The following FHIT variants were observed in gnomAD, a reference collection of about 807,000 sequenced individuals.
FHIT encodes the protein fragile histidine triad diadenosine triphosphatase.
A neutral mutation model predicts 17.9 loss-of-function variants in FHIT; 19 were observed. The observed-to-expected ratio is 1.06, with a 90% confidence interval of 0.74 to 1.56. The LOEUF (loss-of-function observed/expected upper bound fraction) is 1.56. FHIT is among the 40% of genes most tolerant of loss of function. The probability of loss-of-function intolerance (pLI) is 0.00; values close to 1 mark genes in which losing one functional copy is unlikely to be tolerated. For missense variants in FHIT, 248 were observed against 189.2 expected, an observed-to-expected ratio of 1.31 and a Z score of -1.82; for synonymous variants, 81 against 69.7, an observed-to-expected ratio of 1.16 and a Z score of -0.81.
intron 5 of FHIT, among the ~76,000 whole-genome samples, chr3:60,383,604 A>G (rs1055637041): frequency 6.6e-6 from 1 of 152,066 alleles, no homozygotes; most frequent in Non-Finnish European, 1.5e-5. Context: ...AAAGCTACAT[A>G]TGATCACTAT....
At position 60,841,763 on chromosome 3, in the gene FHIT, T is replaced by C. The variant is rs115476056; in HGVS notation, c.-110-19752A>G. ...CCTAAGGGAAAGGATGCAGGGCTTT[T>C]AAGTTCTGGTCCTAGGTGAGGAATC... is the stretch of plus-strand genomic sequence containing the variant. On this transcript the variant is annotated intron_variant, in intron 3 of 9. Coordinates refer to ENST00000492590, the MANE Select transcript of FHIT (RefSeq NM_002012.4). Among the ~76,000 whole-genome samples, 155 of 152,280 alleles carry C rather than the reference T, an allele frequency of 1.0e-3. 1 individual carries two copies. The highest frequency in any genetic ancestry group is 3.7e-3 in the African/African-American group (152 of 41,552).
chr3:60,791,936 A>G (rs1427249553), intron 4 of FHIT, among the ~76,000 whole-genome samples: 12 of 152,228 alleles, frequency 7.9e-5, no homozygotes, highest in Admixed American at 7.9e-4. Flanking sequence ...TTACTATTTT[A>G]TCATATTCAA....
intron 4 of FHIT, among the ~76,000 whole-genome samples, chr3:60,674,796 A>T (rs2040584861): frequency 6.6e-6 from 1 of 151,952 alleles, no homozygotes; most frequent in African/African-American, 2.4e-5. Flanking sequence ...CCCACAGTGA[A>T]CCCTCTCTGC....
intron 5 of FHIT, among the ~76,000 whole-genome samples, chr3:60,425,155 G>T (rs1314359006): frequency 6.6e-6 from 1 of 152,066 alleles, no homozygotes; most frequent in Non-Finnish European, 1.5e-5. Flanking sequence ...ACTATCTGAA[G>T]CACCCTCCTA....
At chr3:60,210,829 A>G (rs1703416284) in intron 5 of FHIT, among the ~76,000 whole-genome samples, 1 of 152,124 alleles carries the variant, frequency 6.6e-6, no homozygotes, top group South Asian at 2.1e-4. Context: ...AACCCTATGG[A>G]TAAGTGTTCA....
chr3:60,170,515 C>G (rs1701370269), intron 5 of FHIT, among the ~76,000 whole-genome samples: 1 of 152,064 alleles, frequency 6.6e-6, no homozygotes, highest in African/African-American at 2.4e-5. Flanking sequence ...CCAAATGGAC[C>G]ATGTTTTGCT....
At chr3:60,784,222 C>T (rs1232856828) in intron 4 of FHIT, among the ~76,000 whole-genome samples, 6 of 152,184 alleles carry the variant, frequency 3.9e-5, no homozygotes, top group South Asian at 4.1e-4. Context: ...GTGAGAGTTA[C>T]ATCATTCCAG....
intron 4 of FHIT, among the ~76,000 whole-genome samples, chr3:60,795,980 G>A (rs1190799702): frequency 6.6e-6 from 1 of 152,180 alleles, no homozygotes; most frequent in African/African-American, 2.4e-5. Context: ...CCACATGACA[G>A]GGGAGGCCTC....
chr3:60,922,711 C>T (rs545491112), intron 3 of FHIT, among the ~76,000 whole-genome samples: 2 of 152,322 alleles, frequency 1.3e-5, no homozygotes, highest in Admixed American at 6.5e-5. Context: ...CTGCTTTCCT[C>T]TCCAATCACC....
chr3:60,228,523 A>G (rs1704327969), intron 5 of FHIT, among the ~76,000 whole-genome samples: 1 of 152,230 alleles, frequency 6.6e-6, no homozygotes, highest in Non-Finnish European at 1.5e-5. Flanking sequence ...TAAAACACAC[A>G]TCCATGGCTC....
At chr3:60,140,492 C>T (rs1364462346) in intron 5 of FHIT, among the ~76,000 whole-genome samples, 2 of 151,810 alleles carry the variant, frequency 1.3e-5, no homozygotes, top group Non-Finnish European at 2.9e-5. Flanking sequence ...CATTGTATGG[C>T]CAATGACCAC....
At chr3:59,795,068 G>A (rs1699722452) in intron 8 of FHIT, among the ~76,000 whole-genome samples, 1 of 152,154 alleles carries the variant, frequency 6.6e-6, no homozygotes, top group African/African-American at 2.4e-5. Flanking sequence ...CTAGCATACA[G>A]TAAGTTCTCA....
chr3:59,758,421 T>C (rs1701328617), intron 8 of FHIT, among the ~76,000 whole-genome samples: 1 of 152,148 alleles, frequency 6.6e-6, no homozygotes, highest in South Asian at 2.1e-4. Context: ...TGTTTAAAGA[T>C]GGAATAGGCA....
intron 5 of FHIT, among the ~76,000 whole-genome samples, chr3:60,221,662 C>A (rs1703966525): frequency 6.6e-6 from 1 of 152,106 alleles, no homozygotes; most frequent in South Asian, 2.1e-4. Flanking sequence ...ACGGCGCACA[C>A]CTGTAATCCC....
chr3:60,027,569 A>C (rs1700803596), intron 5 of FHIT, among the ~76,000 whole-genome samples: 1 of 152,128 alleles, frequency 6.6e-6, no homozygotes, highest in Non-Finnish European at 1.5e-5. Flanking sequence ...CTTACTGATT[A>C]AATGCTCCTC....
At chr3:60,715,183 G>T (rs1306762564) in intron 4 of FHIT, among the ~76,000 whole-genome samples, 2 of 152,070 alleles carry the variant, frequency 1.3e-5, no homozygotes, top group African/African-American at 4.8e-5. Flanking sequence ...AAGCAATGGG[G>T]AAAGGATTCC....
intron 5 of FHIT, among the ~76,000 whole-genome samples, chr3:60,230,460 G>A (rs1035265209): frequency 7.2e-5 from 11 of 151,966 alleles, no homozygotes; most frequent in African/African-American, 2.4e-4. Context: ...TATTGCTCTG[G>A]TGTAAAGATT....
chr3:60,562,430 T>C (rs573874983), intron 4 of FHIT, among the ~76,000 whole-genome samples: 1 of 152,226 alleles, frequency 6.6e-6, no homozygotes, highest in East Asian at 1.9e-4. Context: ...AGGTGGCGTC[T>C]CCAAGAAGAA....
At chr3:60,632,993 G>C (rs782292339) in intron 4 of FHIT, among the ~76,000 whole-genome samples, 7 of 152,200 alleles carry the variant, frequency 4.6e-5, no homozygotes, top group Non-Finnish European at 8.8e-5. Context: ...AAAGAGAACA[G>C]AGTAAAAGGG....
Sources: gnomAD v4.1 joint callset for allele counts (sites outside exome capture counted in the v4.1 genomes callset) on GRCh38, gnomAD v4.1.1 for gene constraint, MANE v1.5 for transcripts, NCBI Gene and HGNC (gene_info 2026-07-23, HGNC 2026-07-21) for gene names.